The following RAPGEF4 variants were observed in gnomAD, a reference collection of about 807,000 sequenced individuals.
The protein encoded by RAPGEF4 is RAP guanine-nucleotide-exchange factor (GEF) 4.
RAPGEF4 carries 66 observed loss-of-function variants against 147.9 expected under a neutral mutation model. The ratio of observed to expected loss-of-function variants is 0.45; its 90% CI spans 0.37 to 0.55. RAPGEF4 has a LOEUF of 0.55. Among genes scored for constraint, RAPGEF4 ranks in the 20% least tolerant of loss-of-function variants. The probability of loss-of-function intolerance (pLI) is 0.00; values close to 1 mark genes in which losing one functional copy is unlikely to be tolerated. For missense variants in RAPGEF4, 1,071 were observed against 1,257.3 expected (o/e 0.85, Z 2.24); for synonymous variants, 419 against 442.7 (o/e 0.95, Z 0.67).
chr2:172,833,777 G>GT (rs1030090774), intron 4 of RAPGEF4, among the ~76,000 whole-genome samples: 1 of 152,072 alleles, frequency 6.6e-6, no homozygotes, highest in African/African-American at 2.4e-5. Flanking sequence ...TCCTTTATGA[G>GT]TTTTTTCCTC....
chr2:172,827,473 C>G (rs1244579543), intron 4 of RAPGEF4, among the ~76,000 whole-genome samples: 1 of 152,056 alleles, frequency 6.6e-6, no homozygotes, highest in African/African-American at 2.4e-5. Flanking sequence ...GTCATATAAC[C>G]TCTTCCTTTA....
At chr2:172,848,148 T>G (rs745441548) in intron 4 of RAPGEF4, among the ~76,000 whole-genome samples, 2 of 152,194 alleles carry the variant, frequency 1.3e-5, no homozygotes, top group Non-Finnish European at 2.9e-5. Context: ...CCACTTAAAA[T>G]GTACTCATGC....
At chr2:172,918,712 T>A (rs1185073278) in intron 5 of RAPGEF4, among the ~76,000 whole-genome samples, 1 of 152,014 alleles carries the variant, frequency 6.6e-6, no homozygotes, top group Non-Finnish European at 1.5e-5. Context: ...CATCTGTGAG[T>A]CTCCTTATGA....
intron 6 of RAPGEF4, among the ~76,000 whole-genome samples, chr2:172,926,672 A>G (rs1222546113): frequency 6.6e-6 from 1 of 152,078 alleles, no homozygotes; most frequent in Non-Finnish European, 1.5e-5. Context: ...CCTGGGTTCA[A>G]GTGACTCTCC....
intron 18 of RAPGEF4, 86 bp downstream of exon 18, chr2:173,014,700 G>A (rs1695347516): frequency 8.0e-7 from 1 of 1,252,138 alleles, no homozygotes; most frequent in Admixed American, 3.2e-5. Context: ...TCCCTGGAGA[G>A]ACCGTAATTG....
chr2:172,823,475 A>G (rs908248249), intron 4 of RAPGEF4, among the ~76,000 whole-genome samples: 3 of 152,188 alleles, frequency 2.0e-5, no homozygotes, highest in African/African-American at 7.2e-5. Context: ...AGGCAGTTCT[A>G]GTTGGGAAAG....
chr2:172,979,338 T>C (rs1281776559), intron 10 of RAPGEF4, among the ~76,000 whole-genome samples: 1 of 152,224 alleles, frequency 6.6e-6, no homozygotes, highest in Non-Finnish European at 1.5e-5. Flanking sequence ...AAATTCAGCA[T>C]GAATCATGAG....
chr2:172,945,499 T>C (rs1296767570), intron 6 of RAPGEF4, among the ~76,000 whole-genome samples: 4 of 152,146 alleles, frequency 2.6e-5, no homozygotes, highest in African/African-American at 7.2e-5. Context: ...TTTTGCCTAC[T>C]AGATTGTTTG....
chr2:172,942,196 G>A (rs766645342), intron 6 of RAPGEF4, among the ~76,000 whole-genome samples: 2 of 145,092 alleles, frequency 1.4e-5, no homozygotes, highest in African/African-American at 2.5e-5. Context: ...AAAAGTAATT[G>A]CAGTTTTTGC....
In RAPGEF4 at chr2:172,904,337, G is replaced by A. The variant is rs189968449; in HGVS notation, c.445-13465G>A. Among the ~76,000 whole-genome samples, 652 of 152,282 alleles carry A rather than the reference G, an allele frequency of 4.3e-3. 5 individuals carry two copies. Among genetic ancestry groups the A allele is most frequent in the African/African-American group, 0.015 (619 of 41,550 alleles). Reference sequence around the variant, plus strand: ...TCACTGTTCTTAGTCCCATTTATATGTTCACTGGACTGTAGTAGATTCAGA... The same window carrying A: ...TCACTGTTCTTAGTCCCATTTATATATTCACTGGACTGTAGTAGATTCAGA... On this transcript the variant is annotated intron_variant, in intron 4 of 30. Coordinates refer to ENST00000397081, the MANE Select transcript of RAPGEF4 (RefSeq NM_007023.4).
intron 4 of RAPGEF4, among the ~76,000 whole-genome samples, chr2:172,816,163 CTTAA>C (rs1688484010): frequency 6.6e-6 from 1 of 152,024 alleles, no homozygotes; most frequent in African/African-American, 2.4e-5. Flanking sequence ...TTCAAATGTC[CTTAA>C]TTGTCTCATA....
chr2:172,827,158 TA>T (rs1196421506), intron 4 of RAPGEF4, among the ~76,000 whole-genome samples: 8 of 152,104 alleles, frequency 5.3e-5, no homozygotes, highest in Non-Finnish European at 8.8e-5. Context: ...ATTAATAAAT[TA>T]AAAGCCTTCG....
At chr2:172,985,385 C>G in intron 11 of RAPGEF4, 48 bp from the exon 12 acceptor site, 2 of 1,613,640 alleles carry the variant, frequency 1.2e-6, no homozygotes, top group Non-Finnish European at 1.7e-6. Flanking sequence ...CTTTTCCACC[C>G]AGACCTGGAA....
At chr2:172,775,196 T>A (rs1333572807) in intron 1 of RAPGEF4, among the ~76,000 whole-genome samples, 1 of 152,232 alleles carries the variant, frequency 6.6e-6, no homozygotes, top group African/African-American at 2.4e-5. Context: ...GACTCCTTTC[T>A]GCAACCAGCT....
chr2:172,809,304 G>A (rs1415149864), intron 3 of RAPGEF4, among the ~76,000 whole-genome samples: 1 of 152,114 alleles, frequency 6.6e-6, no homozygotes, highest in Non-Finnish European at 1.5e-5. Context: ...ATGGGCAGTG[G>A]GCAGGCTGCC....
At chr2:172,839,696 C>G (rs1241543042) in intron 4 of RAPGEF4, among the ~76,000 whole-genome samples, 4 of 151,366 alleles carry the variant, frequency 2.6e-5, no homozygotes, top group African/African-American at 9.8e-5. Context: ...CTCCTTTTAC[C>G]CAGTTCCTAT....
intron 1 of RAPGEF4, among the ~76,000 whole-genome samples, chr2:172,789,078 T>A (rs1159026770): frequency 1.3e-5 from 2 of 152,190 alleles, no homozygotes; most frequent in South Asian, 2.1e-4. Context: ...CACATGGCCC[T>A]CTCAGAGGCC....
At chr2:172,875,557 T>C (rs1695814095) in intron 4 of RAPGEF4, among the ~76,000 whole-genome samples, 1 of 152,162 alleles carries the variant, frequency 6.6e-6, no homozygotes, top group African/African-American at 2.4e-5. Flanking sequence ...CAGATGATTG[T>C]AGATGTGTGG....
chr2:172,985,231 A>G lies in RAPGEF4; in HGVS notation c.1090-202A>G, dbSNP rs539630289. ...GTATGAATTAGCTATAAGCTATTCT[A>G]TAAAAAGAGCTACAAGCTTTAAAAG... On this transcript the variant is annotated intron_variant, in intron 11 of 30. Transcript: ENST00000397081. Among the ~76,000 whole-genome samples, 55 of 152,358 alleles carry G rather than the reference A, an allele frequency of 3.6e-4. 1 individual carries two copies. The South Asian group carries it at 0.011, about 30-fold the overall frequency.
Sources: allele counts gnomAD v4.1 joint callset (sites outside exome capture counted in the v4.1 genomes callset), GRCh38; gene constraint gnomAD v4.1.1; transcripts MANE v1.5; gene names NCBI Gene and HGNC (gene_info 2026-07-23, HGNC 2026-07-21).